Variants in ABCB6 observed in about 807,000 individuals in gnomAD.
ABCB6 encodes ATP-binding cassette sub-family B member 6.
ABCB6 carries 87 observed loss-of-function variants against 99.4 expected under a neutral mutation model. The observed-to-expected ratio is 0.88, with a 90% CI of 0.74 to 1.05. ABCB6 has a LOEUF of 1.05. ABCB6 is among the 50% of genes least tolerant of loss of function. The pLI is 0.00. For missense variants in ABCB6, 1,050 were observed against 1,097.9 expected, an observed-to-expected ratio of 0.96 and a Z score of 0.62; for synonymous variants, 482 against 447.5, an observed-to-expected ratio of 1.08 and a Z score of -0.97.
intron 2 of ABCB6, among the ~76,000 whole-genome samples, chr2:219,217,382 A>AGTG (rs1429517498): frequency 6.6e-6 from 1 of 151,488 alleles, no homozygotes; most frequent in African/African-American, 2.4e-5. Context: ...GCAGTGGCTC[A>AGTG]CGCCTGTAAT....
Position 219,217,780 on chromosome 2 carries a change from A to G in ABCB6, c.577T>C (p.Tyr193His). The change falls in exon 2 of 19, where the codon TAT (tyrosine) becomes CAT (histidine). Residue 193 changes from tyrosine to histidine, a missense_variant. Transcript: ENST00000265316. ...QVQFSLWVLR[Y>H]VVSGGLFVLG... The stretch of plus-strand genomic sequence containing the variant: ...ACAAACAGCCCTCCAGAGACCACAT[A>G]CCGCAGCACCCACAGGCTAAACTGA... The G allele has an allele frequency of 6.2e-7, 1 of 1,613,600 alleles. No homozygotes were observed. Among genetic ancestry groups the G allele is most frequent in the Non-Finnish European group, 8.5e-7 (1 of 1,179,864 alleles).
In ABCB6 at chr2:219,211,048, T is replaced by C. The variant is rs551516578; in HGVS notation, c.2029A>G (p.Asn677Asp). 2.2e-5 allele frequency: 35 copies of C among 1,614,098 alleles called. No homozygotes were observed. In the South Asian group the frequency reaches 3.2e-4, roughly 15 times the overall value. ...CGGATATTGTCGGCGATGGTGTCAT[T>C]AAAGAGGACAGTGTCTTGGGGCACA... ...GVVPQDTVLFNDTIADNIRYG... is the reference protein window; with the variant it reads ...GVVPQDTVLFDDTIADNIRYG... The change falls in exon 15 of 19, where the codon AAT (asparagine) becomes GAT (aspartate). Residue 677 changes from asparagine to aspartate, a missense_variant. By Grantham distance (23) the Asn-to-Asp change is conservative. Coordinates refer to ENST00000265316, the MANE Select transcript of ABCB6 (RefSeq NM_005689.4).
chr2:219,212,885 A>G (rs1950595769), intron 13 of ABCB6, 123 bp downstream of exon 13: 7 of 1,129,226 alleles, frequency 6.2e-6, no homozygotes, highest in Non-Finnish European at 9.2e-6. Context: ...AGGCTGCACC[A>G]TTCAATCCGG....
chr2:219,216,678 AAC>A lies in ABCB6; in HGVS notation c.840_841del (p.Leu281GlyfsTer6), dbSNP rs1262237464. ...AATGTTCCTATAGAATATAGGCACC[AAC>A]ACATTGAGTGCCCGTTCCAAACCCA... is the stretch of plus-strand genomic sequence containing the variant. On this transcript the variant is annotated frameshift_variant, in exon 3 of 19. Transcript: ENST00000265316. LOFTEE classifies it high-confidence loss of function. The surrounding 1 kb of genome is among the most constrained non-coding windows in gnomAD (Gnocchi z 4.2). 6.4e-7 allele frequency: 1 copy of A among 1,570,548 alleles called. No homozygotes were observed. Among genetic ancestry groups the A allele is most frequent in the East Asian group, 2.4e-5 (1 of 42,126 alleles).
At position 219,216,248 on chromosome 2, in the gene ABCB6, G is replaced by A. The variant is rs895616571; in HGVS notation, c.971-68C>T. Reference sequence around the variant, plus strand: ...AGGGACGTCAGCCCAGCACCAGGATGTGAAAGGTCTGAGAGTACATGGGGG... The same window carrying A: ...AGGGACGTCAGCCCAGCACCAGGATATGAAAGGTCTGAGAGTACATGGGGG... On this transcript the variant is annotated intron_variant, in intron 4 of 18. Transcript: ENST00000265316. The surrounding 1 kb of genome is among the most constrained non-coding windows in gnomAD (Gnocchi z 4.2). The A allele has an allele frequency of 2.5e-6, 4 of 1,570,940 alleles. No homozygotes were observed. In the African/African-American group the frequency reaches 4.1e-5, roughly 16 times the overall value.
rs192931087 is a variant in ABCB6, at chr2:219,210,751, C to T, written c.2216G>A (p.Arg739His). 107 of 1,613,660 alleles carry T rather than the reference C, an allele frequency of 6.6e-5. No individual in the cohort carries two copies. In the Admixed American group the frequency reaches 1.0e-3, roughly 15 times the overall value. The change falls in exon 16 of 19, where the codon CGC becomes CAC. Residue 739 changes from arginine to histidine, a missense_variant. By Grantham distance (29) the Arg-to-His change is conservative. Transcript: ENST00000265316. ...GATGCCCGGAGCCTTGAGGATGGTG[C>T]GGGCAATGGCGACGCGCTGCTTCTC... ...GGEKQRVAIA[R>H]TILKAPGIIL...
chr2:219,211,620 CCTTTT>C (rs1211247267), intron 14 of ABCB6, among the ~76,000 whole-genome samples: 4 of 83,966 alleles, frequency 4.8e-5, no homozygotes, highest in African/African-American at 9.1e-5. Context: ...TATCGTTGTA[CCTTTT>C]TTTTTTTTTT....
Position 219,218,270 on chromosome 2 carries a change from C to T in ABCB6, c.404G>A (p.Arg135His), listed in dbSNP as rs1489999228. 1.9e-6 allele frequency: 3 copies of T among 1,613,316 alleles called. No individual in the cohort carries two copies. Among genetic ancestry groups the T allele is most frequent in the East Asian group, 2.2e-5 (1 of 44,880 alleles). Residue 135 changes from arginine (R) to histidine (H), a missense_variant, in exon 1 of 19, where the codon CGT becomes CAT. Arg to His is a conservative substitution (Grantham distance 29). Coordinates refer to ENST00000265316, the MANE Select transcript of ABCB6 (RefSeq NM_005689.4). ...CTTGATCCAGATGCCCATTGCCAGACGCTGCCGTGCCTGGCTCCGCTCCAC... is the reference window on the plus strand; with the variant it reads ...CTTGATCCAGATGCCCATTGCCAGATGCTGCCGTGCCTGGCTCCGCTCCAC... ...LVVERSQARQ[R>H]LAMGIWIKFR... is the part of the protein sequence containing the mutation.
intron 14 of ABCB6, among the ~76,000 whole-genome samples, chr2:219,211,764 ATT>A (rs56903380): frequency 4.9e-4 from 65 of 132,944 alleles, no homozygotes; most frequent in Non-Finnish European, 6.6e-4. Context: ...TGGCCAGCTA[ATT>A]TTTTTTTTTT....
chr2:219,212,999 T>C lies in ABCB6; in HGVS notation c.1863+9A>G. On this transcript the variant is annotated intron_variant, in intron 13 of 18. Coordinates refer to ENST00000265316, the MANE Select transcript of ABCB6 (RefSeq NM_005689.4). ...GGCATCTGGGCCAAGTGGCTGGGTC[T>C]CCTCTCACCAGGGCAAGTGTCTGTC... The C allele has an allele frequency of 1.9e-6, 3 of 1,613,820 alleles. No homozygotes were observed. The highest frequency in any genetic ancestry group is 2.5e-6 in the Non-Finnish European group (3 of 1,179,896).
At position 219,218,455 on chromosome 2, in the gene ABCB6, G is replaced by A. The variant is rs200690459; in HGVS notation, c.219C>T (p.Tyr73=). 7.5e-6 allele frequency: 12 copies of A among 1,609,024 alleles called. No individual in the cohort carries two copies. Among genetic ancestry groups the A allele is most frequent in the Admixed American group, 1.7e-5 (1 of 59,106 alleles). Reference sequence around the variant, plus strand: ...GTGTGGCCAGAAGCAGCTGCAGCACGTAGGGAGAGATGCGAGGGCCGGCCC... The same window carrying A: ...GTGTGGCCAGAAGCAGCTGCAGCACATAGGGAGAGATGCGAGGGCCGGCCC... The part of the protein sequence containing the change: ...SWGAGPRISP[Y]VLQLLLATLQ... Residue 73 remains tyrosine, a synonymous_variant, in exon 1 of 19, where the codon TAC becomes TAT. Transcript: ENST00000265316.
At chr2:219,214,524 G>T in intron 6 of ABCB6, 26 bp from the exon 7 acceptor site, 1 of 1,512,374 alleles carries the variant, frequency 6.6e-7, no homozygotes, top group Non-Finnish European at 9.2e-7. Flanking sequence ...ATGGGGAGCA[G>T]AATAGGACAT....
Position 219,216,974 on chromosome 2 carries a change from T to A in ABCB6, c.688-142A>T. On this transcript the variant is annotated intron_variant, in intron 2 of 18. Coordinates refer to ENST00000265316, the MANE Select transcript of ABCB6 (RefSeq NM_005689.4). This position sits in a 1 kb window ranked among gnomAD's most constrained non-coding sequence, Gnocchi z 4.2. Reference sequence around the variant, plus strand: ...TGATCCTTGATGGGGTCAGAAAAACTAAGTTGCAAACTGAGATTTGGAAAA... The same window carrying A: ...TGATCCTTGATGGGGTCAGAAAAACAAAGTTGCAAACTGAGATTTGGAAAA... 1.5e-6 allele frequency: 1 copy of A among 678,416 alleles called. No individual in the cohort carries two copies. The allele number at this position is 678,416 out of a possible 1,614,324, so 42.0% of individuals were successfully genotyped here.
intron 5 of ABCB6, chr2:219,215,380 G>A (rs1022566062): frequency 5.3e-5 from 17 of 322,488 alleles, no homozygotes; most frequent in Non-Finnish European, 8.7e-5. Context: ...TTTGTTTTAG[G>A]AAAAACCTCC....
At chr2:219,212,301 G>A in intron 14 of ABCB6, 86 bp downstream of exon 14, 1 of 1,155,822 alleles carries the variant, frequency 8.7e-7, no homozygotes, top group Admixed American at 1.9e-5. Flanking sequence ...TTGCAAGGGT[G>A]ACATCTCCTC....
In ABCB6 at chr2:219,210,019, C is replaced by G. The variant is rs1035547817; in HGVS notation, c.2448G>C (p.Gly816=). Residue 816 remains glycine, a synonymous_variant, in exon 19 of 19, where the codon GGG becomes GGC. Coordinates refer to ENST00000265316, the MANE Select transcript of ABCB6 (RefSeq NM_005689.4). ...GRHEALLSRG[G]VYADMWQLQQ... ...GCAGCTGCCACATGTCAGCATACAC[C>G]CCACCTCGGGACAACAGAGCCTCGT... 2 of 1,614,114 alleles carry G rather than the reference C, an allele frequency of 1.2e-6. No individual in the cohort carries two copies. The highest frequency in any genetic ancestry group is 1.7e-6 in the Non-Finnish European group (2 of 1,180,038).
Position 219,213,850 on chromosome 2 carries a change from G to C in ABCB6, c.1554C>G (p.Tyr518Ter), listed in dbSNP as rs758116183. The C allele has an allele frequency of 6.2e-7, 1 of 1,614,164 alleles. No individual in the cohort carries two copies. Among genetic ancestry groups the C allele is most frequent in the Non-Finnish European group, 8.5e-7 (1 of 1,180,034 alleles). Reference sequence around the variant, plus strand: ...CCTGTAGCTTCTGCTCAGTGACAAAGTATGCGCAAAGCAGGGAGCCGGCGA... The same window carrying C: ...CCTGTAGCTTCTGCTCAGTGACAAACTATGCGCAAAGCAGGGAGCCGGCGA... ...GLLAGSLLCA[Y>*]FVTEQKLQVG... Residue 518 changes from tyrosine (Y) to a stop codon, truncating the protein, a stop_gained, in exon 9 of 19, where the codon TAC (tyrosine) becomes TAG (stop). Transcript: ENST00000265316. LOFTEE classifies it high-confidence loss of function.
At position 219,217,793 on chromosome 2, in the gene ABCB6, C is replaced by T. The variant is rs777990467; in HGVS notation, c.564G>A (p.Leu188=). The T allele has an allele frequency of 4.3e-6, 7 of 1,612,270 alleles. 1 individual carries two copies. In the Middle Eastern group the frequency reaches 5.0e-4, roughly 114 times the overall value. The change falls in exon 2 of 19, where the codon CTG becomes CTA. Residue 188 remains leucine, a synonymous_variant. Coordinates refer to ENST00000265316, the MANE Select transcript of ABCB6 (RefSeq NM_005689.4). ...ADLGQQVQFS[L]WVLRYVVSGG... is the part of the protein sequence containing the mutation. ...CAGAGACCACATACCGCAGCACCCA[C>T]AGGCTAAACTGAACCTAGAATGAAA...
At chr2:219,214,814 C>A in intron 6 of ABCB6, 147 bp downstream of exon 6, 3 of 887,860 alleles carry the variant, frequency 3.4e-6, no homozygotes, top group Non-Finnish European at 5.1e-6. Context: ...AGAAGAGACC[C>A]GCCCATCACA....
Sources: gnomAD v4.1 joint callset for allele counts (sites outside exome capture counted in the v4.1 genomes callset) on GRCh38, gnomAD v4.1.1 for gene constraint, Gnocchi (gnomAD v3.1) non-coding constraint, MANE v1.5 for transcripts, NCBI Gene and HGNC (gene_info 2026-07-23, HGNC 2026-07-21) for gene names.